The following ARMC9 variants were observed in gnomAD, a reference collection of about 807,000 sequenced individuals.
The protein encoded by ARMC9 is armadillo repeat containing 9.
Under a neutral mutation model 107.0 loss-of-function variants are expected in ARMC9, and 94 were observed. The observed-to-expected ratio is 0.88, with a 90% CI of 0.74 to 1.04. The LOEUF (loss-of-function observed/expected upper bound fraction) is 1.04, where lower values mean the gene tolerates loss of function less well. Among genes scored for constraint, ARMC9 ranks in the 50% least tolerant of loss-of-function variants. The pLI is 0.00. For missense variants in ARMC9, 942 were observed against 1,030.1 expected (o/e 0.91, Z 1.17); for synonymous variants, 380 against 396.9 (o/e 0.96, Z 0.51).
chr2:231,240,731 T>A (rs1462618312), intron 9 of ARMC9, among the ~76,000 whole-genome samples: 1 of 152,222 alleles, frequency 6.6e-6, no homozygotes, highest in Non-Finnish European at 1.5e-5. Context: ...TTTTGGTAGT[T>A]GAGTCAATAA....
intron 18 of ARMC9, among the ~76,000 whole-genome samples, chr2:231,292,780 A>G (rs1197438549): frequency 6.6e-6 from 1 of 152,252 alleles, no homozygotes; most frequent in Non-Finnish European, 1.5e-5. Context: ...CACGAGCAGA[A>G]AGTGAAGAGT....
chr2:231,296,078 T>C (rs999907305), intron 18 of ARMC9, 120 bp from the exon 19 acceptor site: 3 of 619,666 alleles, frequency 4.8e-6, no homozygotes, highest in Non-Finnish European at 8.2e-6. Flanking sequence ...AGGAGCATGA[T>C]GACTTTGATG....
intron 12 of ARMC9, among the ~76,000 whole-genome samples, chr2:231,264,269 C>G (rs938818064): frequency 6.6e-6 from 1 of 152,160 alleles, no homozygotes; most frequent in African/African-American, 2.4e-5. Flanking sequence ...ACCTCTACCT[C>G]CTGGGTTCAA....
rs202109334 is a variant in ARMC9, at chr2:231,271,813, GC to G, written c.1210+742del. Among the ~76,000 whole-genome samples the G allele has an allele frequency of 5.3e-3, 801 of 152,220 alleles. 12 individuals are homozygous for G. Among genetic ancestry groups the G allele is most frequent in the Admixed American group, 0.022 (338 of 15,296 alleles). On this transcript the variant is annotated intron_variant, in intron 13 of 24. Coordinates refer to ENST00000611582, the MANE Select transcript of ARMC9 (RefSeq NM_001352754.2). ...ATATCCATTCAGAAGTCCACAACAG[GC>G]TAGGGACCATTCTGGGCTTATTACA...
chr2:231,339,341 A>C (rs918773072), intron 20 of ARMC9, among the ~76,000 whole-genome samples: 6 of 152,196 alleles, frequency 3.9e-5, no homozygotes, highest in Non-Finnish European at 7.3e-5. Flanking sequence ...GAAAAAAAAA[A>C]AAATTATATG....
intron 17 of ARMC9, 114 bp downstream of exon 17, chr2:231,282,247 C>A: frequency 3.8e-6 from 4 of 1,049,486 alleles, no homozygotes; most frequent in Admixed American, 4.1e-5. Flanking sequence ...CCGTTCCAAA[C>A]TCCTTGAAAT....
intron 12 of ARMC9, among the ~76,000 whole-genome samples, chr2:231,267,255 C>CA (rs1302543926): frequency 6.6e-6 from 1 of 151,978 alleles, no homozygotes; most frequent in African/African-American, 2.4e-5. Flanking sequence ...TTTTTTGAGA[C>CA]AGTCTCGCTC....
chr2:231,341,640 T>TGATAGATAGATA (rs56256642), intron 20 of ARMC9, among the ~76,000 whole-genome samples: 8,098 of 140,058 alleles, frequency 0.058, 273 homozygotes, highest in Non-Finnish European at 0.067. Flanking sequence ...GATAGATAGA[T>TGATAGATAGATA]GATAGATAGA....
chr2:231,239,335 C>T (rs1001138140), intron 8 of ARMC9, among the ~76,000 whole-genome samples: 1 of 152,192 alleles, frequency 6.6e-6, no homozygotes, highest in Admixed American at 6.5e-5. Flanking sequence ...AATGCAGGAT[C>T]CAGCAGCGTT....
At chr2:231,299,601 G>A (rs1366712371) in intron 19 of ARMC9, among the ~76,000 whole-genome samples, 1 of 152,182 alleles carries the variant, frequency 6.6e-6, no homozygotes, top group African/African-American at 2.4e-5. Flanking sequence ...AGTGTATGCT[G>A]CTCCTCGCCC....
rs367678172 is a variant in ARMC9, at chr2:231,271,073, G to T, written c.1210+1G>T. On this transcript the variant is annotated splice_donor_variant, in intron 13 of 24. Transcript: ENST00000611582. LOFTEE classifies it high-confidence loss of function. Reference sequence around the variant, plus strand: ...AATGCTTTTGCGTCACTGGCAGAAGGTGAGACATCAGCTTTGCTTCAAAGA... The same window carrying T: ...AATGCTTTTGCGTCACTGGCAGAAGTTGAGACATCAGCTTTGCTTCAAAGA... The T allele has an allele frequency of 6.2e-7, 1 of 1,613,734 alleles. No homozygotes were observed. Among genetic ancestry groups the T allele is most frequent in the Non-Finnish European group, 8.5e-7 (1 of 1,179,802 alleles).
chr2:231,231,146 C>T (rs1377666075), intron 7 of ARMC9, among the ~76,000 whole-genome samples: 4 of 152,112 alleles, frequency 2.6e-5, no homozygotes, highest in Non-Finnish European at 4.4e-5. Flanking sequence ...TTTGTGCAGT[C>T]CGGAGGGACT....
At chr2:231,283,881 C>T (rs955876490) in intron 17 of ARMC9, among the ~76,000 whole-genome samples, 1 of 152,112 alleles carries the variant, frequency 6.6e-6, no homozygotes, top group Admixed American at 6.5e-5. Context: ...TATAGGTGTG[C>T]GCCATCACAC....
intron 2 of ARMC9, 70 bp downstream of exon 2, chr2:231,206,359 A>T: frequency 2.3e-6 from 3 of 1,322,402 alleles, no homozygotes; most frequent in Non-Finnish European, 3.2e-6. Flanking sequence ...AAAATGCAAC[A>T]AACTATTTAG....
intron 9 of ARMC9, among the ~76,000 whole-genome samples, chr2:231,254,505 C>A (rs2037579063): frequency 6.6e-6 from 1 of 151,966 alleles, no homozygotes; most frequent in South Asian, 2.1e-4. Context: ...TTTTGGAAGT[C>A]TAGCTTAGCT....
Position 231,360,251 on chromosome 2 carries a change from G to A in ARMC9, c.2132-503G>A, listed in dbSNP as rs761551990. Among the ~76,000 whole-genome samples the A allele has an allele frequency of 6.6e-6, 1 of 152,152 alleles. No homozygotes were observed. Among genetic ancestry groups the A allele is most frequent in the Non-Finnish European group, 1.5e-5 (1 of 68,014 alleles). On this transcript the variant is annotated intron_variant, in intron 22 of 24. Coordinates refer to ENST00000611582, the MANE Select transcript of ARMC9 (RefSeq NM_001352754.2). This position sits in a 1 kb window ranked among gnomAD's most constrained non-coding sequence, Gnocchi z 4.7. ...CTACAGCACAAGTCACTGGGAGTTA[G>A]GGCACTTCCTGGCCACCCTGGGTGT...
intron 20 of ARMC9, 144 bp from the exon 21 acceptor site, chr2:231,344,831 A>G: frequency 2.3e-6 from 2 of 870,084 alleles, no homozygotes; most frequent in South Asian, 3.3e-5. Context: ...GTTTACCTGA[A>G]TAATTTGTGA....
Position 231,376,304 on chromosome 2 carries a change from C to A in ARMC9, c.*4769C>A, listed in dbSNP as rs1271350691. 6.6e-6 allele frequency among the ~76,000 whole-genome samples: 1 copy of A among 152,150 alleles called. No individual in the cohort carries two copies. Among genetic ancestry groups the A allele is most frequent in the East Asian group, 1.9e-4 (1 of 5,200 alleles). On this transcript the variant is annotated 3_prime_UTR_variant, in exon 25 of 25. Coordinates refer to ENST00000611582, the MANE Select transcript of ARMC9 (RefSeq NM_001352754.2). ...ACTGGTGAGTCGGGCGGAACAGAGC[C>A]ATATTTCTCTTCTTTCAAAAGCAAA...
rs1260591633 is a variant in ARMC9, at chr2:231,214,832, A to T, written c.179A>T (p.Lys60Met). ...TGTAGTCTGATGTCTTCTCCACAGA[A>T]GGATCTTGTCGCTGCATTTGACAAC... Reference protein sequence around the residue: ...FRDSKSLTIQKDLVAAFDNGD... With the variant: ...FRDSKSLTIQMDLVAAFDNGD... The change falls in exon 4 of 25, where the codon AAG becomes ATG. Residue 60 changes from lysine (K) to methionine (M), a missense_variant and splice_region_variant. Physicochemically the swap from Lys to Met is moderately conservative, Grantham distance 95. Coordinates refer to ENST00000611582, the MANE Select transcript of ARMC9 (RefSeq NM_001352754.2). 1.2e-6 allele frequency: 2 copies of T among 1,613,744 alleles called. No individual in the cohort carries two copies. Among genetic ancestry groups the T allele is most frequent in the African/African-American group, 2.7e-5 (2 of 74,910 alleles).
Sources: allele counts gnomAD v4.1 joint callset (sites outside exome capture counted in the v4.1 genomes callset), GRCh38; gene constraint gnomAD v4.1.1; non-coding constraint Gnocchi (gnomAD v3.1); transcripts MANE v1.5; gene names NCBI Gene and HGNC (gene_info 2026-07-23, HGNC 2026-07-21).